The following TRPM6 variants were observed in gnomAD, a reference collection of about 807,000 sequenced individuals.
TRPM6 encodes channel kinase 2.
A neutral mutation model predicts 247.6 loss-of-function variants in TRPM6; 111 were observed. That is an observed-to-expected ratio of 0.45 (90% CI 0.38 to 0.52). The LOEUF (loss-of-function observed/expected upper bound fraction) is 0.52. TRPM6 is among the 20% of genes least tolerant of loss of function. The pLI, the probability that TRPM6 is intolerant of heterozygous loss-of-function variation, is 0.00. For missense variants in TRPM6, 2,126 were observed against 2,421.5 expected (o/e 0.88, Z 2.56); for synonymous variants, 892 against 853.8 (o/e 1.04, Z -0.78).
chr9:74,884,492 A>AAATAC (rs1157275856), intron 1 of TRPM6, among the ~76,000 whole-genome samples: 1 of 129,738 alleles, frequency 7.7e-6, no homozygotes. Flanking sequence ...CTGTCTCAAA[A>AAATAC]ATAAATACAT....
At position 74,887,573 on chromosome 9, in the gene TRPM6, C is replaced by G. The variant is rs925803443; in HGVS notation, c.33+251G>C. The G allele has an allele frequency of 1.2e-5, 18 of 1,490,588 alleles. No homozygotes were observed. The African/African-American group carries it at 2.4e-4, about 20-fold the overall frequency. The allele number at this position is 1,490,588 out of a possible 1,614,324, so 92.3% of individuals were successfully genotyped here. A position where few individuals can be genotyped will look rare whatever the true frequency, so the allele number is the denominator to read the frequency against. On this transcript the variant is annotated intron_variant, in intron 1 of 38. Transcript: ENST00000360774. ...GCTCTGACACCACCTCCGCTATGGCCGCATCCCAGCTCTTGAAACGGGGGC... is the reference window on the plus strand; with the variant it reads ...GCTCTGACACCACCTCCGCTATGGCGGCATCCCAGCTCTTGAAACGGGGGC...
intron 3 of TRPM6, among the ~76,000 whole-genome samples, chr9:74,848,128 TAGA>T (rs1181926479): frequency 2.0e-5 from 3 of 152,342 alleles, no homozygotes; most frequent in African/African-American, 7.2e-5. Flanking sequence ...ATTTCATGGA[TAGA>T]AGATGGATTT....
chr9:74,807,747 C>T (rs989924866), intron 14 of TRPM6, among the ~76,000 whole-genome samples: 3 of 152,126 alleles, frequency 2.0e-5, no homozygotes, highest in Non-Finnish European at 4.4e-5. Context: ...TAACCTGCCT[C>T]ATCACATTAT....
chr9:74,802,907 C>T (rs1176758963), intron 15 of TRPM6, among the ~76,000 whole-genome samples: 1 of 152,158 alleles, frequency 6.6e-6, no homozygotes, highest in African/African-American at 2.4e-5. Context: ...TCATACTGCA[C>T]TACGGTTATG....
intron 1 of TRPM6, among the ~76,000 whole-genome samples, chr9:74,879,063 A>G (rs1384876492): frequency 6.6e-6 from 1 of 152,148 alleles, no homozygotes; most frequent in Non-Finnish European, 1.5e-5. Context: ...GAACTTGAAA[A>G]TACAATACAA....
intron 1 of TRPM6, among the ~76,000 whole-genome samples, chr9:74,876,861 T>C (rs1437946227): frequency 6.6e-6 from 1 of 152,194 alleles, no homozygotes; most frequent in Non-Finnish European, 1.5e-5. Flanking sequence ...AGAAACTGTA[T>C]ACTAACTTTT....
chr9:74,765,112 A>C (rs1261845823), intron 25 of TRPM6, among the ~76,000 whole-genome samples: 2 of 152,230 alleles, frequency 1.3e-5, no homozygotes, highest in Non-Finnish European at 2.9e-5. Flanking sequence ...GCTAAAGCAG[A>C]CAGATATGTT....
intron 3 of TRPM6, among the ~76,000 whole-genome samples, chr9:74,851,469 T>G (rs7863034): frequency 3.5e-4 from 53 of 151,952 alleles, no homozygotes; most frequent in African/African-American, 1.2e-3. Flanking sequence ...TTAAATCAGC[T>G]GGGCACAGTG....
chr9:74,741,007 T>C (rs1825847695), intron 33 of TRPM6, among the ~76,000 whole-genome samples: 1 of 152,146 alleles, frequency 6.6e-6, no homozygotes, highest in Admixed American at 6.5e-5. Context: ...AAAGCCTCAA[T>C]TTCCCCATCA....
chr9:74,826,111 A>T (rs1695366713), intron 7 of TRPM6, among the ~76,000 whole-genome samples: 1 of 152,212 alleles, frequency 6.6e-6, no homozygotes, highest in African/African-American at 2.4e-5. Flanking sequence ...AAGGAAGGAA[A>T]GAAACAGACA....
chr9:74,875,218 T>C, intron 1 of TRPM6: 1 of 455,850 alleles, frequency 2.2e-6, no homozygotes, highest in Non-Finnish European at 4.4e-6. Flanking sequence ...GATGTTGGCC[T>C]GCACCTTACA....
At chr9:74,794,298 C>T (rs1343048247) in intron 18 of TRPM6, among the ~76,000 whole-genome samples, 1 of 152,108 alleles carries the variant, frequency 6.6e-6, no homozygotes, top group Non-Finnish European at 1.5e-5. Flanking sequence ...GCAAGATTAG[C>T]AAAATTTTTT....
intron 19 of TRPM6, among the ~76,000 whole-genome samples, chr9:74,791,511 A>G (rs1243629493): frequency 1.3e-5 from 2 of 150,800 alleles, no homozygotes; most frequent in Admixed American, 1.3e-4. Flanking sequence ...TTTAAAAAAA[A>G]AGAAAAGAAA....
intron 1 of TRPM6, chr9:74,887,123 G>T: frequency 1.6e-6 from 1 of 625,986 alleles, no homozygotes; most frequent in Non-Finnish European, 2.4e-6. Flanking sequence ...ACTTCCTGTT[G>T]CGCCATATGC....
At chr9:74,859,590 T>G (rs1253528740) in intron 1 of TRPM6, among the ~76,000 whole-genome samples, 1 of 152,064 alleles carries the variant, frequency 6.6e-6, no homozygotes, top group African/African-American at 2.4e-5. Context: ...CTGGCCATCA[T>G]GGTGAAACCC....
At chr9:74,818,582 C>T in intron 9 of TRPM6, among the ~76,000 whole-genome samples, 1 of 152,146 alleles carries the variant, frequency 6.6e-6, no homozygotes, top group East Asian at 1.9e-4. Flanking sequence ...GGATTATAGG[C>T]GTGAGCCAAC....
At chr9:74,835,793 C>A (rs1829701864) in intron 5 of TRPM6, among the ~76,000 whole-genome samples, 1 of 151,950 alleles carries the variant, frequency 6.6e-6, no homozygotes, top group South Asian at 2.1e-4. Context: ...CAAGAATAGA[C>A]TTTATTTTTT....
intron 19 of TRPM6, among the ~76,000 whole-genome samples, chr9:74,789,747 G>A (rs1827829714): frequency 6.6e-6 from 1 of 152,028 alleles, no homozygotes. Context: ...ATCACCTGAG[G>A]TTAGGAGTTC....
At chr9:74,747,156 A>C (rs1400047367) in intron 31 of TRPM6, among the ~76,000 whole-genome samples, 1 of 152,240 alleles carries the variant, frequency 6.6e-6, no homozygotes, top group Non-Finnish European at 1.5e-5. Flanking sequence ...CCATGGGCTA[A>C]AGATCAAATG....
Sources: gnomAD v4.1 joint callset for allele counts (sites outside exome capture counted in the v4.1 genomes callset) on GRCh38, gnomAD v4.1.1 for gene constraint, MANE v1.5 for transcripts, NCBI Gene and HGNC (gene_info 2026-07-23, HGNC 2026-07-21) for gene names.